The following ANKRD55 variants were observed in gnomAD, a reference collection of about 807,000 sequenced individuals.
ANKRD55 encodes ankyrin repeat domain-containing protein 55.
ANKRD55 carries 41 observed loss-of-function variants against 60.6 expected under a neutral mutation model. The ratio of observed to expected loss-of-function variants is 0.68; its 90% CI spans 0.53 to 0.88. ANKRD55 has a LOEUF of 0.88. Among genes scored for constraint, ANKRD55 ranks in the 40% least tolerant of loss-of-function variants. ANKRD55 has a pLI of 0.00. For synonymous variants in ANKRD55, 264 were observed against 290.3 expected (o/e 0.91, Z 0.92); for missense variants, 732 against 767.6 (o/e 0.95, Z 0.55).
intron 2 of ANKRD55, among the ~76,000 whole-genome samples, chr5:56,206,235 C>T (rs531646110): frequency 6.6e-6 from 1 of 152,162 alleles, no homozygotes; most frequent in East Asian, 1.9e-4. Flanking sequence ...CCTCAGCCTC[C>T]TAAAATGCTG....
At chr5:56,170,322 ACT>A (rs1323754990) in intron 5 of ANKRD55, among the ~76,000 whole-genome samples, 9 of 152,180 alleles carry the variant, frequency 5.9e-5, no homozygotes, top group African/African-American at 2.2e-4. Context: ...GACATCAGAG[ACT>A]CTGTTTTATT....
chr5:56,122,424 G>A (rs1757094336), intron 8 of ANKRD55, among the ~76,000 whole-genome samples: 1 of 152,072 alleles, frequency 6.6e-6, no homozygotes, highest in Admixed American at 6.6e-5. Context: ...GCTGAGGTGG[G>A]TGGATCACTT....
At chr5:56,224,374 A>G (rs1440373978) in intron 2 of ANKRD55, among the ~76,000 whole-genome samples, 1 of 152,238 alleles carries the variant, frequency 6.6e-6, no homozygotes, top group African/African-American at 2.4e-5. Context: ...AAATGCCCAC[A>G]ACAGAAAGCA....
intron 2 of ANKRD55, among the ~76,000 whole-genome samples, chr5:56,224,285 C>A (rs1458297162): frequency 6.6e-6 from 1 of 151,374 alleles, no homozygotes; most frequent in Non-Finnish European, 1.5e-5. Context: ...TTCTTTGAAA[C>A]TGATGAGAAC....
intron 7 of ANKRD55, among the ~76,000 whole-genome samples, chr5:56,127,897 C>G (rs1268238162): frequency 6.6e-6 from 1 of 152,168 alleles, no homozygotes; most frequent in East Asian, 1.9e-4. Flanking sequence ...TTTCCTTTGT[C>G]TAACAATGAT....
Position 56,127,117 on chromosome 5 carries a change from G to A in ANKRD55, c.613-11C>T. The A allele has an allele frequency of 1.3e-6, 2 of 1,592,508 alleles. No homozygotes were observed. The highest frequency in any genetic ancestry group is 1.7e-6 in the Non-Finnish European group (2 of 1,167,494). On this transcript the variant is annotated splice_polypyrimidine_tract_variant and intron_variant, in intron 7 of 11. Coordinates refer to ENST00000341048, the MANE Select transcript of ANKRD55 (RefSeq NM_024669.3). ...AATCCTATTTCCACTCTGGAAAAGA[G>A]AGTCAAAGAAAGCCCATTATGTACA...
intron 8 of ANKRD55, among the ~76,000 whole-genome samples, chr5:56,120,039 C>A (rs1756992572): frequency 7.0e-6 from 1 of 142,892 alleles, no homozygotes; most frequent in South Asian, 2.3e-4. Context: ...TTTCTCAACA[C>A]CATTTTTTTT....
chr5:56,225,962 A>G (rs947952338), intron 2 of ANKRD55, among the ~76,000 whole-genome samples: 1 of 152,246 alleles, frequency 6.6e-6, no homozygotes, highest in Non-Finnish European at 1.5e-5. Flanking sequence ...GACTTTCTTC[A>G]CAGAATTGGA....
At chr5:56,152,805 T>G (rs1758089249) in intron 6 of ANKRD55, among the ~76,000 whole-genome samples, 2 of 151,926 alleles carry the variant, frequency 1.3e-5, no homozygotes, top group Admixed American at 6.6e-5. Flanking sequence ...AGTTCAAAAA[T>G]GAAACCATAT....
At chr5:56,166,086 T>C (rs6875075) in intron 5 of ANKRD55, among the ~76,000 whole-genome samples, 15,702 of 91,196 alleles carry the variant, frequency 0.17, 2,811 homozygotes, top group African/African-American at 0.36. Flanking sequence ...TTTCTTTTCT[T>C]TTTCTTTCTT....
intron 8 of ANKRD55, among the ~76,000 whole-genome samples, 196 bp downstream of exon 8, chr5:56,126,726 G>A (rs761088374): frequency 7.9e-5 from 12 of 152,112 alleles, no homozygotes; most frequent in East Asian, 3.8e-4. Context: ...CTGTACAGTC[G>A]CAGTCTTCCT....
At chr5:56,127,505 C>A in intron 7 of ANKRD55, 1 of 985,258 alleles carries the variant, frequency 1.0e-6, no homozygotes, top group Non-Finnish European at 1.2e-6. Context: ...CACCAAGAAA[C>A]TGACAGAGTT....
At chr5:56,169,135 G>C (rs752697807) in intron 5 of ANKRD55, among the ~76,000 whole-genome samples, 5 of 152,162 alleles carry the variant, frequency 3.3e-5, no homozygotes, top group Non-Finnish European at 7.4e-5. Context: ...GGGATTACAG[G>C]TGTGAGCCAT....
intron 6 of ANKRD55, among the ~76,000 whole-genome samples, chr5:56,150,599 C>CAATA: frequency 6.6e-6 from 1 of 151,694 alleles, no homozygotes; most frequent in East Asian, 1.9e-4. Context: ...GACCCCGTCT[C>CAATA]AATAAATAAA....
At chr5:56,137,064 C>A in intron 7 of ANKRD55, 1 of 827,056 alleles carries the variant, frequency 1.2e-6, no homozygotes, top group Non-Finnish European at 2.1e-6. Flanking sequence ...TTTACGAACA[C>A]TTGTGAAATG....
At chr5:56,183,457 A>G in intron 3 of ANKRD55, 55 bp downstream of exon 3, 1 of 1,603,580 alleles carries the variant, frequency 6.2e-7, no homozygotes, top group Non-Finnish European at 8.5e-7. Flanking sequence ...TCTGAAGGCC[A>G]TCTCTAAAAA....
intron 8 of ANKRD55, among the ~76,000 whole-genome samples, chr5:56,118,060 T>C (rs1355972320): frequency 6.6e-6 from 1 of 152,022 alleles, no homozygotes; most frequent in Non-Finnish European, 1.5e-5. Flanking sequence ...TGAGAATTGC[T>C]TAAACCCCAG....
At chr5:56,144,240 A>G (rs1212456211) in intron 6 of ANKRD55, among the ~76,000 whole-genome samples, 1 of 152,228 alleles carries the variant, frequency 6.6e-6, no homozygotes, top group African/African-American at 2.4e-5. Context: ...AATCTTCCAG[A>G]TTGATAAATA....
At chr5:56,166,153 T>TTTC (rs1561277854) in intron 5 of ANKRD55, among the ~76,000 whole-genome samples, 265 of 49,108 alleles carry the variant, frequency 5.4e-3, no homozygotes, top group Admixed American at 9.4e-3. Context: ...TTTCTTTCTT[T>TTTC]CTTCTTTCCT....
Sources: allele counts gnomAD v4.1 joint callset (sites outside exome capture counted in the v4.1 genomes callset), GRCh38; gene constraint gnomAD v4.1.1; transcripts MANE v1.5; gene names NCBI Gene and HGNC (gene_info 2026-07-23, HGNC 2026-07-21).